THUMPD2: variants seen among roughly 807,000 people sequenced by gnomAD.
The protein encoded by THUMPD2 is THUMP domain 2 tRNA and snRNA guanosine methyltransferase.
THUMPD2 carries 56 observed loss-of-function variants against 49.4 expected under a neutral mutation model. That is an observed-to-expected ratio of 1.13 (90% CI 0.91 to 1.41). The LOEUF (loss-of-function observed/expected upper bound fraction) is 1.41, where lower values mean the gene tolerates loss of function less well. THUMPD2 is among the 40% of genes most tolerant of loss of function. The pLI, the probability that THUMPD2 is intolerant of heterozygous loss-of-function variation, is 0.00. For synonymous variants in THUMPD2, 237 were observed against 205.2 expected, an observed-to-expected ratio of 1.15 and a Z score of -1.32; for missense variants, 709 against 594.5, an observed-to-expected ratio of 1.19 and a Z score of -2.00.
chr2:39,736,829 C>G lies in THUMPD2; in HGVS notation c.1418G>C (p.Gly473Ala). The change falls in exon 10 of 10, where the codon GGC becomes GCC. Residue 473 changes from glycine to alanine, a missense_variant. Physicochemically the swap from Gly to Ala is moderately conservative, Grantham distance 60 (BLOSUM62 0). Coordinates refer to ENST00000505747, the MANE Select transcript of THUMPD2 (RefSeq NM_025264.5). ...GTAGCATTCCACTGGTACCAAGGAG[C>G]CAAATGGTGACATTCTGTCTAAGAA... ...HKFLDRMSPF[G>A]SLVPVECYKV... The G allele has an allele frequency of 3.1e-6, 5 of 1,614,186 alleles. No individual in the cohort carries two copies. In the South Asian group the frequency reaches 5.5e-5, roughly 18 times the overall value.
In THUMPD2 at chr2:39,737,003, C is replaced by A. The variant is rs142751159; in HGVS notation, c.1244G>T (p.Arg415Leu). ...GTTGCTCTCTTTACAATCTGTAAGG[C>A]GCCTGTGGTGATCTTCACTAAGCAA... The part of the protein sequence containing the change: ...VLLLSEDHHR[R>L]LTDCKESNIP... Residue 415 changes from arginine to leucine, a missense_variant, in exon 10 of 10, where the codon CGC (arginine) becomes CTC (leucine). Physicochemically the swap from Arg to Leu is moderately radical, Grantham distance 102. Transcript: ENST00000505747. 1.9e-6 allele frequency: 3 copies of A among 1,613,960 alleles called. No homozygotes were observed. The highest frequency in any genetic ancestry group is 4.5e-5 in the East Asian group (2 of 44,866).
Position 39,744,482 on chromosome 2 carries a change from A to C in THUMPD2, c.1079-4T>G. 1 of 1,538,282 alleles carries C rather than the reference A, an allele frequency of 6.5e-7. No homozygotes were observed. Among genetic ancestry groups the C allele is most frequent in the South Asian group, 1.2e-5 (1 of 80,698 alleles). On this transcript the variant is annotated splice_region_variant and splice_polypyrimidine_tract_variant and intron_variant, in intron 8 of 9. Coordinates refer to ENST00000505747, the MANE Select transcript of THUMPD2 (RefSeq NM_025264.5). ...CTTTCTGAAGGCAATGGCAATTCTG[A>C]AATATAGAAATCAGAGAATCCTATT...
chr2:39,776,342 A>G (rs758204886), intron 1 of THUMPD2, among the ~76,000 whole-genome samples: 1 of 152,102 alleles, frequency 6.6e-6, no homozygotes, highest in Non-Finnish European at 1.5e-5. Flanking sequence ...CTTACAGGAA[A>G]TACAGAGGAT....
At chr2:39,766,263 C>CT (rs199977694) in intron 4 of THUMPD2, 154 bp from the exon 5 acceptor site, 6,990 of 466,106 alleles carry the variant, frequency 0.015, 333 homozygotes, top group African/African-American at 0.12. Flanking sequence ...GTTCTATAAT[C>CT]TTTTTTTTTC....
chr2:39,738,669 G>GTATA (rs60815137), intron 9 of THUMPD2, among the ~76,000 whole-genome samples: 8 of 146,350 alleles, frequency 5.5e-5, no homozygotes, highest in East Asian at 3.9e-4. Context: ...TAAATTATAT[G>GTATA]TATATATACA....
At chr2:39,741,764 C>T (rs556252715) in intron 9 of THUMPD2, among the ~76,000 whole-genome samples, 99 of 152,140 alleles carry the variant, frequency 6.5e-4, no homozygotes, top group Non-Finnish European at 1.0e-3. Context: ...ACTATTTCCA[C>T]TGCCTGTTAT....
At chr2:39,779,273 A>C (rs1024917096), upstream of THUMPD2, 1 of 1,370,730 alleles carries the variant, frequency 7.3e-7, no homozygotes, top group Admixed American at 3.3e-5. Context: ...CCTTCGGGTC[A>C]CGTGGCCTCG....
chr2:39,761,384 C>G lies in THUMPD2; in HGVS notation c.838G>C (p.Ala280Pro). ...CACGCTATTGTAGATCGCAGTCCAGCTGTCTTGATGTAAGCTCTGCTGGCT... is the reference window on the plus strand; with the variant it reads ...CACGCTATTGTAGATCGCAGTCCAGGTGTCTTGATGTAAGCTCTGCTGGCT... ...SLASRAYIKT[A>P]GLRSTIAWAM... The change falls in exon 6 of 10, where the codon GCT (alanine) becomes CCT (proline). Residue 280 changes from alanine (A) to proline (P), a missense_variant. Coordinates refer to ENST00000505747, the MANE Select transcript of THUMPD2 (RefSeq NM_025264.5). 6.2e-7 allele frequency: 1 copy of G among 1,613,774 alleles called. No individual in the cohort carries two copies. The highest frequency in any genetic ancestry group is 8.5e-7 in the Non-Finnish European group (1 of 1,179,766).
intron 5 of THUMPD2, among the ~76,000 whole-genome samples, chr2:39,762,753 C>G (rs905134380): frequency 1.1e-4 from 16 of 148,794 alleles, no homozygotes; most frequent in African/African-American, 2.5e-5. Flanking sequence ...TTCTAGATGC[C>G]AAAACTATAA....
intron 6 of THUMPD2, among the ~76,000 whole-genome samples, chr2:39,758,363 T>C (rs1471692709): frequency 4.6e-5 from 7 of 152,168 alleles, no homozygotes; most frequent in African/African-American, 1.4e-4. Flanking sequence ...CTCTCAACTC[T>C]AAGCTTTTTG....
rs545555929 is a variant in THUMPD2, at chr2:39,771,730, T to C, written c.127-90A>G. 57 of 1,317,620 alleles carry C rather than the reference T, an allele frequency of 4.3e-5. No homozygotes were observed. In the East Asian group the frequency reaches 1.4e-3, roughly 31 times the overall value. 81.6% of individuals were successfully genotyped at this position (1,317,620 alleles called of 1,614,324 possible). On this transcript the variant is annotated intron_variant, in intron 1 of 9. Coordinates refer to ENST00000505747, the MANE Select transcript of THUMPD2 (RefSeq NM_025264.5). ...CAAGATATAGCATCTAAATTAAAAA[T>C]AAAAATAACCATTTCTGAAGTATCT...
chr2:39,736,689 CAGCTAA>C lies in THUMPD2; in HGVS notation c.*40_*45del. ...CTAGAGACAGCAAACTTCTGCTGTA[CAGCTAA>C]CTTACAAGGGCCTGAACCCGGCTGA... On this transcript the variant is annotated 3_prime_UTR_variant, in exon 10 of 10. Coordinates refer to ENST00000505747, the MANE Select transcript of THUMPD2 (RefSeq NM_025264.5). 6.5e-7 allele frequency: 1 copy of C among 1,536,692 alleles called. No homozygotes were observed. The highest frequency in any genetic ancestry group is 8.8e-7 in the Non-Finnish European group (1 of 1,136,804).
At chr2:39,775,349 T>C (rs923889655) in intron 1 of THUMPD2, among the ~76,000 whole-genome samples, 1 of 152,184 alleles carries the variant, frequency 6.6e-6, no homozygotes, top group Non-Finnish European at 1.5e-5. Context: ...GGTCTCCTAA[T>C]TCTACAGATG....
At chr2:39,765,737 T>C (rs1242267732) in intron 5 of THUMPD2, among the ~76,000 whole-genome samples, 2 of 151,730 alleles carry the variant, frequency 1.3e-5, no homozygotes, top group Non-Finnish European at 2.9e-5. Flanking sequence ...GGCACTGGAG[T>C]AGGGCAGCCT....
At chr2:39,755,861 G>A in intron 7 of THUMPD2, 28 bp downstream of exon 7, 1 of 1,597,396 alleles carries the variant, frequency 6.3e-7, no homozygotes, top group Non-Finnish European at 8.6e-7. Flanking sequence ...TAGATAAATT[G>A]CTTGCTTTAC....
At chr2:39,766,423 G>A (rs1329342493) in intron 4 of THUMPD2, among the ~76,000 whole-genome samples, 1 of 152,126 alleles carries the variant, frequency 6.6e-6, no homozygotes, top group Non-Finnish European at 1.5e-5. Context: ...ACGCTTTTCA[G>A]TATTTTGCGT....
intron 2 of THUMPD2, among the ~76,000 whole-genome samples, chr2:39,770,379 A>C (rs1678153644): frequency 1.3e-5 from 2 of 152,160 alleles, no homozygotes; most frequent in Admixed American, 1.3e-4. Context: ...ATACCCTAGA[A>C]AGATTATTTG....
At chr2:39,768,394 A>G in intron 4 of THUMPD2, 30 bp downstream of exon 4, 1 of 1,533,710 alleles carries the variant, frequency 6.5e-7, no homozygotes. Context: ...TTAGGTTACA[A>G]GTATATAAAA....
At position 39,736,203 on chromosome 2, in the gene THUMPD2, A is replaced by G. The variant is rs567011261; in HGVS notation, c.*532T>C. The G allele has an allele frequency of 6.6e-6, 1 of 152,444 alleles. No homozygotes were observed. Among genetic ancestry groups the G allele is most frequent in the South Asian group, 2.1e-4 (1 of 4,832 alleles). 9.4% of individuals were successfully genotyped at this position (152,444 alleles called of 1,614,324 possible). On this transcript the variant is annotated 3_prime_UTR_variant, in exon 10 of 10. Coordinates refer to ENST00000505747, the MANE Select transcript of THUMPD2 (RefSeq NM_025264.5). ...TTCATTTTCCATCATGTTTTGAAGG[A>G]TACTGGCTTAATTCAGTTATTATTC... is the stretch of plus-strand genomic sequence containing the variant.
Sources: gnomAD v4.1 joint callset for allele counts (sites outside exome capture counted in the v4.1 genomes callset) on GRCh38, gnomAD v4.1.1 for gene constraint, MANE v1.5 for transcripts, NCBI Gene and HGNC (gene_info 2026-07-23, HGNC 2026-07-21) for gene names.